Variants in TEX53 observed in about 807,000 individuals in gnomAD.
The protein encoded by TEX53 is testis expressed 53, also known as testis-expressed protein 53.
At chr9:114,656,751 A>C (rs1827710704) in intron 1 of TEX53, 119 bp from the exon 2 acceptor site, 2 of 394,804 alleles carry the variant, frequency 5.1e-6, no homozygotes, top group Admixed American at 8.9e-5. Context: ...TTAAAAATAA[A>C]AGTTTGCTTG....
At chr9:114,657,619 C>A in intron 1 of TEX53, 47 bp downstream of exon 1, 1 of 398,662 alleles carries the variant, frequency 2.5e-6, no homozygotes, top group South Asian at 1.3e-4. Context: ...CGCAGAGAAT[C>A]ATTCAGGTGT....
chr9:114,656,845 C>T (rs1307320884), intron 1 of TEX53, among the ~76,000 whole-genome samples: 1 of 152,094 alleles, frequency 6.6e-6, no homozygotes, highest in Non-Finnish European at 1.5e-5. Context: ...CCAGCTGATC[C>T]TTATACACAT....
chr9:114,657,274 C>T (rs953913887), intron 1 of TEX53, among the ~76,000 whole-genome samples: 4 of 152,150 alleles, frequency 2.6e-5, no homozygotes, highest in South Asian at 4.1e-4. Flanking sequence ...AATATATTAT[C>T]GTTATCCTCA....
chr9:114,657,188 TTC>T (rs1827723649), intron 1 of TEX53, among the ~76,000 whole-genome samples: 1 of 152,216 alleles, frequency 6.6e-6, no homozygotes, highest in Non-Finnish European at 1.5e-5. Flanking sequence ...GTTGAATGTC[TTC>T]TTTGTGTGGG....
chr9:114,656,782 G>A (rs1048370148), intron 1 of TEX53, 150 bp from the exon 2 acceptor site: 4 of 393,710 alleles, frequency 1.0e-5, no homozygotes, highest in Middle Eastern at 6.3e-4. Context: ...GAATGATCTC[G>A]AGCTGGGTGA....
intron 1 of TEX53, among the ~76,000 whole-genome samples, chr9:114,656,952 C>G (rs1385701727): frequency 1.3e-5 from 2 of 152,176 alleles, no homozygotes; most frequent in Non-Finnish European, 2.9e-5. Context: ...TCTCGGCTCA[C>G]TGCAAGCTCC....
At chr9:114,657,534 C>T (rs535174116) in intron 1 of TEX53, 132 bp downstream of exon 1, 31 of 396,560 alleles carry the variant, frequency 7.8e-5, no homozygotes, top group South Asian at 1.4e-4. Context: ...TGAGTAACTA[C>T]GCCCTTTCCA....
At position 114,656,395 on chromosome 9, in the gene TEX53, G is replaced by A; in HGVS notation, c.*134C>T. 1 of 391,464 alleles carries A rather than the reference G, an allele frequency of 2.6e-6. No individual in the cohort carries two copies. The highest frequency in any genetic ancestry group is 4.5e-6 in the Non-Finnish European group (1 of 222,178). 24.2% of individuals were successfully genotyped at this position (391,464 alleles called of 1,614,324 possible). A position where few individuals can be genotyped will look rare whatever the true frequency, so the allele number is the denominator to read the frequency against. Reference sequence around the variant, plus strand: ...GACTCTTGGTGGTGGCACAGGGATGGCTCAGACGTCTTCTCCTCCTGCAGG... The same window carrying A: ...GACTCTTGGTGGTGGCACAGGGATGACTCAGACGTCTTCTCCTCCTGCAGG... On this transcript the variant is annotated 3_prime_UTR_variant, in exon 2 of 2. Coordinates refer to ENST00000423632, the MANE Select transcript of TEX53 (RefSeq NM_001354645.2).
chr9:114,657,526 A>G (rs1827726872), intron 1 of TEX53, 140 bp downstream of exon 1: 2 of 396,564 alleles, frequency 5.0e-6, no homozygotes, highest in Non-Finnish European at 8.9e-6. Context: ...TCCAGGCTTG[A>G]GTAACTACGC....
chr9:114,656,338 C>T lies in TEX53; in HGVS notation c.*191G>A. The T allele has an allele frequency of 5.2e-6, 2 of 385,526 alleles. No individual in the cohort carries two copies. Among genetic ancestry groups the T allele is most frequent in the Non-Finnish European group, 4.6e-6 (1 of 218,766 alleles). 23.9% of individuals were successfully genotyped at this position (385,526 alleles called of 1,614,324 possible). Reference sequence around the variant, plus strand: ...CAAGGACTTTAATTGGAGGCGGCTCCCCCCCACGGTGGCTTTTTCAGAAGC... The same window carrying T: ...CAAGGACTTTAATTGGAGGCGGCTCTCCCCCACGGTGGCTTTTTCAGAAGC... On this transcript the variant is annotated 3_prime_UTR_variant, in exon 2 of 2. Transcript: ENST00000423632.
chr9:114,657,429 T>G, intron 1 of TEX53, among the ~76,000 whole-genome samples: 1 of 152,116 alleles, frequency 6.6e-6, no homozygotes, highest in East Asian at 1.9e-4. Context: ...CAAATGGCCA[T>G]GGAGGACTAA....
chr9:114,656,375 T>C lies in TEX53; in HGVS notation c.*154A>G, dbSNP rs1827706361. 1 of 390,504 alleles carries C rather than the reference T, an allele frequency of 2.6e-6. No homozygotes were observed. Among genetic ancestry groups the C allele is most frequent in the Non-Finnish European group, 4.5e-6 (1 of 221,656 alleles). The allele number at this position is 390,504 out of a possible 1,614,324, so 24.2% of individuals were successfully genotyped here. ...GCTTTTTCAGAAGCTGGAGTGACTCTTGGTGGTGGCACAGGGATGGCTCAG... is the reference window on the plus strand; with the variant it reads ...GCTTTTTCAGAAGCTGGAGTGACTCCTGGTGGTGGCACAGGGATGGCTCAG... On this transcript the variant is annotated 3_prime_UTR_variant, in exon 2 of 2. Coordinates refer to ENST00000423632, the MANE Select transcript of TEX53 (RefSeq NM_001354645.2).
At chr9:114,657,545 C>T (rs761671464) in intron 1 of TEX53, 121 bp downstream of exon 1, 2 of 397,016 alleles carry the variant, frequency 5.0e-6, no homozygotes, top group Non-Finnish European at 8.9e-6. Flanking sequence ...GCCCTTTCCA[C>T]ACTCCCAGAA....
chr9:114,656,381 G>A lies in TEX53; in HGVS notation c.*148C>T. 2.6e-6 allele frequency: 1 copy of A among 391,126 alleles called. No homozygotes were observed. The highest frequency in any genetic ancestry group is 4.5e-6 in the Non-Finnish European group (1 of 221,978). 24.2% of individuals were successfully genotyped at this position (391,126 alleles called of 1,614,324 possible). ...TCAGAAGCTGGAGTGACTCTTGGTGGTGGCACAGGGATGGCTCAGACGTCT... is the reference window on the plus strand; with the variant it reads ...TCAGAAGCTGGAGTGACTCTTGGTGATGGCACAGGGATGGCTCAGACGTCT... On this transcript the variant is annotated 3_prime_UTR_variant, in exon 2 of 2. Transcript: ENST00000423632.
At chr9:114,657,406 T>C (rs1251907753) in intron 1 of TEX53, among the ~76,000 whole-genome samples, 2 of 152,110 alleles carry the variant, frequency 1.3e-5, no homozygotes, top group East Asian at 3.9e-4. Context: ...CAGTGAGAAA[T>C]TAAATAAATC....
At chr9:114,656,925 G>C (rs569337613) in intron 1 of TEX53, among the ~76,000 whole-genome samples, 16 of 152,136 alleles carry the variant, frequency 1.1e-4, no homozygotes, top group African/African-American at 3.9e-4. Context: ...CGCTCAGGCT[G>C]GAGTGCAGTG....
Position 114,656,419 on chromosome 9 carries a change from G to T in TEX53, c.*110C>A. 2.5e-6 allele frequency: 1 copy of T among 394,948 alleles called. No homozygotes were observed. Among genetic ancestry groups the T allele is most frequent in the South Asian group, 1.4e-4 (1 of 7,390 alleles). 24.5% of individuals were successfully genotyped at this position (394,948 alleles called of 1,614,324 possible). ...GGCTCAGACGTCTTCTCCTCCTGCAGGGGAGTTTCTGAATCAGTCTTCATG... is the reference window on the plus strand; with the variant it reads ...GGCTCAGACGTCTTCTCCTCCTGCATGGGAGTTTCTGAATCAGTCTTCATG... On this transcript the variant is annotated 3_prime_UTR_variant, in exon 2 of 2. Transcript: ENST00000423632.
At chr9:114,656,923 C>T (rs1210461983) in intron 1 of TEX53, among the ~76,000 whole-genome samples, 1 of 152,138 alleles carries the variant, frequency 6.6e-6, no homozygotes, top group East Asian at 1.9e-4. Flanking sequence ...GTCGCTCAGG[C>T]TGGAGTGCAG....
intron 1 of TEX53, among the ~76,000 whole-genome samples, chr9:114,656,919 C>T (rs879865259): frequency 2.0e-5 from 3 of 152,224 alleles, no homozygotes; most frequent in Admixed American, 2.0e-4. Flanking sequence ...CTCTGTCGCT[C>T]AGGCTGGAGT....
Sources: allele counts gnomAD v4.1 joint callset (sites outside exome capture counted in the v4.1 genomes callset), GRCh38; gene constraint gnomAD v4.1.1; transcripts MANE v1.5; gene names NCBI Gene and HGNC (gene_info 2026-07-23, HGNC 2026-07-21).